LAMA3: variants seen among roughly 807,000 people sequenced by gnomAD.
The protein encoded by LAMA3 is laminin subunit alpha-3.
LAMA3 carries 281 observed loss-of-function variants against 402.0 expected under a neutral mutation model. That is an observed-to-expected ratio of 0.70 (90% confidence interval 0.63 to 0.77). LAMA3 has a LOEUF of 0.77. LAMA3 is among the 30% of genes least tolerant of loss of function. The pLI, the probability that LAMA3 is intolerant of heterozygous loss-of-function variation, is 0.00. For synonymous variants in LAMA3, 1,431 were observed against 1,558.4 expected (o/e 0.92, Z 1.93); for missense variants, 3,840 against 4,215.5 (o/e 0.91, Z 2.47).
At chr18:23,877,796 A>G (rs928677805) in intron 39 of LAMA3, among the ~76,000 whole-genome samples, 5 of 152,228 alleles carry the variant, frequency 3.3e-5, no homozygotes, top group Admixed American at 2.0e-4. Context: ...TTTGTGTAAC[A>G]CGAGTAGATG....
chr18:23,913,007 C>G, intron 56 of LAMA3, 126 bp downstream of exon 56: 1 of 887,162 alleles, frequency 1.1e-6, no homozygotes, highest in Non-Finnish European at 1.8e-6. Context: ...ACTGAGACAT[C>G]GACAAATCCC....
chr18:23,757,161 CG>C (rs890688259), intron 6 of LAMA3, among the ~76,000 whole-genome samples: 1 of 151,998 alleles, frequency 6.6e-6, no homozygotes, highest in Admixed American at 6.5e-5. Flanking sequence ...ACCTGACGCA[CG>C]CTCCTAGGAA....
chr18:23,896,851 G>T (rs2080892028), intron 44 of LAMA3, among the ~76,000 whole-genome samples: 2 of 152,108 alleles, frequency 1.3e-5, no homozygotes, highest in South Asian at 2.1e-4. Context: ...GTTCGAGTAG[G>T]GGTGGTGATA....
At chr18:23,864,246 A>G (rs1376044173) in intron 35 of LAMA3, among the ~76,000 whole-genome samples, 2 of 149,320 alleles carry the variant, frequency 1.3e-5, no homozygotes, top group Non-Finnish European at 3.0e-5. Context: ...TTTTTAAAAG[A>G]GACAGGGTCT....
chr18:23,890,199 T>G (rs2080610431), intron 42 of LAMA3, 82 bp downstream of exon 42: 4 of 886,234 alleles, frequency 4.5e-6, no homozygotes, highest in Admixed American at 1.8e-5. Context: ...GCACACATCT[T>G]CAGGATGCAT....
intron 7 of LAMA3, 21 bp downstream of exon 7, chr18:23,758,532 G>A (rs530830887): frequency 2.0e-6 from 3 of 1,533,496 alleles, no homozygotes; most frequent in African/African-American, 1.7e-5. Context: ...GGATGGGGTG[G>A]GGGCCACACG....
rs188075582 is a variant in LAMA3, at chr18:23,812,812, G to C, written c.1742-245G>C. Reference sequence around the variant, plus strand: ...TCCTCCTTCATCATCAATTAGAAGTGAACTGTCATGAGTAGACAGGATAGG... The same window carrying C: ...TCCTCCTTCATCATCAATTAGAAGTCAACTGTCATGAGTAGACAGGATAGG... On this transcript the variant is annotated intron_variant, in intron 13 of 74. Transcript: ENST00000313654. 2.4e-4 allele frequency among the ~76,000 whole-genome samples: 37 copies of C among 152,300 alleles called. No homozygotes were observed. The South Asian group carries it at 2.7e-3, about 11-fold the overall frequency.
intron 12 of LAMA3, among the ~76,000 whole-genome samples, chr18:23,806,241 T>A (rs148598002): frequency 6.6e-6 from 1 of 152,238 alleles, no homozygotes; most frequent in African/African-American, 2.4e-5. Flanking sequence ...GTTTTCCAAC[T>A]TGATGGCAGC....
chr18:23,842,279 G>A (rs2063718237), intron 27 of LAMA3, 116 bp from the exon 28 acceptor site: 1 of 1,296,618 alleles, frequency 7.7e-7, no homozygotes, highest in Non-Finnish European at 1.1e-6. Flanking sequence ...ATTTCACTTT[G>A]GTAAATACTT....
chr18:23,796,042 C>T, intron 12 of LAMA3: 1 of 435,448 alleles, frequency 2.3e-6, no homozygotes, highest in Non-Finnish European at 4.6e-6. Flanking sequence ...AAAAGGTGGC[C>T]ATCTACAAGC....
At chr18:23,828,604 G>C (rs1008795741) in intron 23 of LAMA3, among the ~76,000 whole-genome samples, 7 of 152,110 alleles carry the variant, frequency 4.6e-5, no homozygotes, top group Non-Finnish European at 1.0e-4. Context: ...TTGTGTGTGT[G>C]TGTTCCCTAG....
At chr18:23,881,462 G>A (rs1420365091) in intron 39 of LAMA3, among the ~76,000 whole-genome samples, 2 of 152,204 alleles carry the variant, frequency 1.3e-5, no homozygotes, top group African/African-American at 2.4e-5. Context: ...GTGCTAAGGG[G>A]AAGAAAGAAA....
At chr18:23,869,401 T>A (rs1255202835) in intron 37 of LAMA3, among the ~76,000 whole-genome samples, 2 of 152,306 alleles carry the variant, frequency 1.3e-5, no homozygotes, top group South Asian at 2.1e-4. Flanking sequence ...TTGAGGGTGG[T>A]AATGGGTAGT....
intron 2 of LAMA3, among the ~76,000 whole-genome samples, chr18:23,727,322 ATTGAT>A (rs2061316888): frequency 1.3e-5 from 2 of 151,956 alleles, no homozygotes; most frequent in African/African-American, 4.8e-5. Context: ...TGATTGATTG[ATTGAT>A]TGATTGATTG....
intron 64 of LAMA3, 91 bp downstream of exon 64, chr18:23,928,856 G>C (rs2082082503): frequency 8.0e-7 from 1 of 1,252,872 alleles, no homozygotes; most frequent in Admixed American, 1.7e-5. Flanking sequence ...AAGTGGTGGA[G>C]TTGTACATTT....
chr18:23,872,203 C>T (rs2064545275), intron 38 of LAMA3, among the ~76,000 whole-genome samples: 1 of 152,168 alleles, frequency 6.6e-6, no homozygotes, highest in Non-Finnish European at 1.5e-5. Context: ...TAATCCGGAG[C>T]CTCCCTCTAC....
At chr18:23,851,750 T>C (rs910456777) in intron 32 of LAMA3, among the ~76,000 whole-genome samples, 1 of 152,192 alleles carries the variant, frequency 6.6e-6, no homozygotes, top group Non-Finnish European at 1.5e-5. Context: ...TCCACCTTTA[T>C]TGCAAATCGA....
At position 23,842,243 on chromosome 18, in the gene LAMA3, AGGCTTCTGGGTG is replaced by A. The variant is rs2063717253; in HGVS notation, c.3337-151_3337-140del. 5.5e-6 allele frequency: 5 copies of A among 915,702 alleles called. No homozygotes were observed. In the African/African-American group the frequency reaches 6.6e-5, roughly 12 times the overall value. 56.7% of individuals were successfully genotyped at this position (915,702 alleles called of 1,614,324 possible). A position where few individuals can be genotyped will look rare whatever the true frequency, so the allele number is the denominator to read the frequency against. On this transcript the variant is annotated intron_variant, in intron 27 of 74. Coordinates refer to ENST00000313654, the MANE Select transcript of LAMA3 (RefSeq NM_198129.4). ...AAAGCTACTGTAAATGTATGTGTGA[AGGCTTCTGGGTG>A]AAGATGGGTTGTCATTTCACTTTGG...
chr18:23,914,487 T>G lies in LAMA3; in HGVS notation c.7407T>G (p.Ala2469=). ...TCTACAACCTGGGGGACCGTGAGGC[T>G]GAACTCCAAGTGGACCAGATCTTGA... ...TCVYNLGDRE[A]ELQVDQILTK... Residue 2469 remains alanine, a synonymous_variant, in exon 57 of 75, where the codon GCT becomes GCG. Coordinates refer to ENST00000313654, the MANE Select transcript of LAMA3 (RefSeq NM_198129.4). 6.2e-7 allele frequency: 1 copy of G among 1,614,154 alleles called. No homozygotes were observed. Among genetic ancestry groups the G allele is most frequent in the East Asian group, 2.2e-5 (1 of 44,864 alleles).
Sources: gnomAD v4.1 joint callset for allele counts (sites outside exome capture counted in the v4.1 genomes callset) on GRCh38, gnomAD v4.1.1 for gene constraint, MANE v1.5 for transcripts, NCBI Gene and HGNC (gene_info 2026-07-23, HGNC 2026-07-21) for gene names.